The following ZDHHC15 variants were observed in gnomAD, a reference collection of about 807,000 sequenced individuals.
ZDHHC15 encodes the protein zDHHC palmitoyltransferase 15, also known as palmitoyltransferase ZDHHC15.
Under a neutral mutation model 31.7 loss-of-function variants are expected in ZDHHC15, and 19 were observed. That is an observed-to-expected ratio of 0.60 (90% CI 0.42 to 0.88). The LOEUF (loss-of-function observed/expected upper bound fraction) is 0.88. Ranked by LOEUF, ZDHHC15 falls within the 40% of genes least tolerant of loss-of-function variation. ZDHHC15 has a pLI of 0.00. For synonymous variants in ZDHHC15, 103 were observed against 90.0 expected, an observed-to-expected ratio of 1.14 and a Z score of -0.82; for missense variants, 209 against 251.2, an observed-to-expected ratio of 0.83 and a Z score of 1.14.
intron 10 of ZDHHC15, among the ~76,000 whole-genome samples, chrX:75,408,389 T>C (rs979777294): frequency 3.6e-5 from 4 of 111,133 alleles, no homozygotes; most frequent in Admixed American, 9.6e-5. Context: ...AAGCATTTGA[T>C]AGAATACAAG....
At chrX:75,376,325 T>C (rs1312937939) in intron 11 of ZDHHC15, among the ~76,000 whole-genome samples, 2 of 109,413 alleles carry the variant, frequency 1.8e-5, no homozygotes, top group Non-Finnish European at 3.8e-5. Context: ...AGATGCATTG[T>C]TTGCAAATAT....
chrX:75,459,290 G>T (rs776658753), intron 3 of ZDHHC15, among the ~76,000 whole-genome samples: 1 of 111,489 alleles, frequency 9.0e-6, no homozygotes, highest in African/African-American at 3.3e-5. Context: ...TAAATCTAGG[G>T]AGTCAAGCAG....
At chrX:75,462,192 C>T (rs1480415578) in intron 3 of ZDHHC15, among the ~76,000 whole-genome samples, 1 of 112,287 alleles carries the variant, frequency 8.9e-6, no homozygotes, top group Non-Finnish European at 1.9e-5. Context: ...AAGGATATTA[C>T]ATAATGGAAA....
intron 4 of ZDHHC15, among the ~76,000 whole-genome samples, chrX:75,434,828 T>C (rs1166499972): frequency 8.9e-6 from 1 of 112,178 alleles, no homozygotes; most frequent in Non-Finnish European, 1.9e-5. Flanking sequence ...CGGGCTTTTA[T>C]AGTTTCACAT....
chrX:75,437,127 C>A (rs189147835), intron 4 of ZDHHC15, among the ~76,000 whole-genome samples: 1 of 110,992 alleles, frequency 9.0e-6, no homozygotes, highest in South Asian at 3.8e-4. Context: ...GTGATCCGCC[C>A]GCCCCGGCCA....
chrX:75,459,205 G>A lies in ZDHHC15; in HGVS notation c.259-8283C>T, dbSNP rs562408225. 4.5e-5 allele frequency among the ~76,000 whole-genome samples: 5 copies of A among 110,128 alleles called. No homozygotes were observed. In the South Asian group the frequency reaches 2.0e-3, roughly 44 times the overall value. ...TGCTCAGCCACACACAGAGACCCAG[G>A]AGTTTTACATACTCCAGCCCCAGTA... On this transcript the variant is annotated intron_variant, in intron 3 of 11. Transcript: ENST00000373367.
chrX:75,492,789 G>C (rs891457536), intron 2 of ZDHHC15, among the ~76,000 whole-genome samples: 15 of 111,853 alleles, frequency 1.3e-4, no homozygotes, highest in Non-Finnish European at 2.4e-4. Context: ...GCAGTGTGTA[G>C]AGGGAAATTT....
chrX:75,501,150 C>T (rs377660345), intron 2 of ZDHHC15, among the ~76,000 whole-genome samples: 442 of 110,669 alleles, frequency 4.0e-3, no homozygotes, highest in Middle Eastern at 0.014. Flanking sequence ...AACCCAGTGT[C>T]TGTTGTTCTC....
chrX:75,458,706 T>A (rs2084263268), intron 3 of ZDHHC15, among the ~76,000 whole-genome samples: 1 of 109,703 alleles, frequency 9.1e-6, no homozygotes, highest in South Asian at 4.0e-4. Flanking sequence ...CCATAGGCAA[T>A]TAATCCTTAG....
intron 3 of ZDHHC15, among the ~76,000 whole-genome samples, chrX:75,473,530 A>G (rs1249895121): frequency 9.0e-6 from 1 of 111,302 alleles, no homozygotes; most frequent in African/African-American, 3.3e-5. Flanking sequence ...TAAGATTGCC[A>G]CCTGGACAGT....
chrX:75,418,076 T>C (rs1373334842), intron 9 of ZDHHC15, among the ~76,000 whole-genome samples: 1 of 112,005 alleles, frequency 8.9e-6, no homozygotes, highest in Non-Finnish European at 1.9e-5. Context: ...ATTTTACATC[T>C]CCCTTTGATG....
At chrX:75,382,348 G>T (rs1260232855) in intron 10 of ZDHHC15, among the ~76,000 whole-genome samples, 1 of 112,464 alleles carries the variant, frequency 8.9e-6, no homozygotes, top group African/African-American at 3.2e-5. Flanking sequence ...GAACATCCAT[G>T]ATATTACTGC....
intron 4 of ZDHHC15, among the ~76,000 whole-genome samples, chrX:75,436,799 T>A (rs2083857454): frequency 8.8e-6 from 1 of 113,102 alleles, no homozygotes; most frequent in African/African-American, 3.2e-5. Flanking sequence ...ATGAATAGAA[T>A]GTATATTCTG....
chrX:75,398,867 G>A (rs766371111), intron 10 of ZDHHC15, among the ~76,000 whole-genome samples: 1 of 111,491 alleles, frequency 9.0e-6, no homozygotes, highest in African/African-American at 3.3e-5. Context: ...ATCAAAACAG[G>A]ATCAGACTGC....
At chrX:75,451,011 A>C in intron 3 of ZDHHC15, 89 bp from the exon 4 acceptor site, 2 of 1,035,458 alleles carry the variant, frequency 1.9e-6, no homozygotes, top group South Asian at 4.8e-5. Flanking sequence ...TAATGAAATT[A>C]TTTGTTACCT....
chrX:75,508,342 G>T (rs763530026), intron 1 of ZDHHC15, among the ~76,000 whole-genome samples: 193 of 82,478 alleles, frequency 2.3e-3, no homozygotes, highest in African/African-American at 9.1e-3. Context: ...TTCCCTTCCT[G>T]TGTCCAAGTG....
chrX:75,496,127 A>C (rs906977716), intron 2 of ZDHHC15, among the ~76,000 whole-genome samples: 2 of 110,775 alleles, frequency 1.8e-5, no homozygotes, highest in Non-Finnish European at 3.8e-5. Context: ...AGACATATGG[A>C]CTCACATAAA....
intron 2 of ZDHHC15, among the ~76,000 whole-genome samples, chrX:75,489,817 C>G (rs2084845341): frequency 9.0e-6 from 1 of 111,684 alleles, no homozygotes; most frequent in Non-Finnish European, 1.9e-5. Flanking sequence ...AGTTCGAACC[C>G]ATGGCAAAGA....
chrX:75,388,678 G>T (rs923367960), intron 10 of ZDHHC15, among the ~76,000 whole-genome samples: 2 of 111,712 alleles, frequency 1.8e-5, no homozygotes, highest in Admixed American at 9.5e-5. Flanking sequence ...GAGAGGAGCT[G>T]CAAAACAACC....
Sources: gnomAD v4.1 joint callset for allele counts (sites outside exome capture counted in the v4.1 genomes callset) on GRCh38, gnomAD v4.1.1 for gene constraint, MANE v1.5 for transcripts, NCBI Gene and HGNC (gene_info 2026-07-23, HGNC 2026-07-21) for gene names.